Variants in SNX29 observed in about 807,000 individuals in gnomAD.
SNX29 encodes sorting nexin-29.
Under a neutral mutation model 102.1 loss-of-function variants are expected in SNX29, and 78 were observed. The observed-to-expected ratio is 0.76, with a 90% CI of 0.64 to 0.92. The LOEUF (loss-of-function observed/expected upper bound fraction) is 0.92, where lower values mean the gene tolerates loss of function less well. Ranked by LOEUF, SNX29 falls within the 40% of genes least tolerant of loss-of-function variation. SNX29 has a pLI of 0.00. For synonymous variants in SNX29, 580 were observed against 414.5 expected (o/e 1.40, Z -4.85); for missense variants, 1,280 against 1,061.7 (o/e 1.21, Z -2.86).
At chr16:12,354,278 T>G (rs939543336) in intron 15 of SNX29, among the ~76,000 whole-genome samples, 2 of 152,186 alleles carry the variant, frequency 1.3e-5, no homozygotes, top group African/African-American at 4.8e-5. Flanking sequence ...AACATCATAG[T>G]TTTAATGGTT....
intron 4 of SNX29, among the ~76,000 whole-genome samples, chr16:12,033,101 C>T (rs2057387676): frequency 6.6e-6 from 1 of 152,212 alleles, no homozygotes; most frequent in Non-Finnish European, 1.5e-5. Flanking sequence ...GTGATCTGCC[C>T]GCCTTGGCCT....
chr16:12,565,856 CCT>C (rs2078981576), intron 20 of SNX29, among the ~76,000 whole-genome samples: 1 of 152,206 alleles, frequency 6.6e-6, no homozygotes, highest in African/African-American at 2.4e-5. Flanking sequence ...TCCGGGAAGC[CCT>C]CTGTGCCCTG....
intron 16 of SNX29, among the ~76,000 whole-genome samples, chr16:12,398,022 G>C (rs1226672331): frequency 6.6e-6 from 1 of 152,184 alleles, no homozygotes; most frequent in East Asian, 1.9e-4. Flanking sequence ...GAGCCCTTGT[G>C]GGGGTGACAT....
chr16:12,011,301 G>T (rs2056646398), intron 3 of SNX29, among the ~76,000 whole-genome samples: 1 of 150,376 alleles, frequency 6.6e-6, no homozygotes, highest in Non-Finnish European at 1.5e-5. Context: ...TTTGAGACAG[G>T]ATCGCACTCT....
At chr16:12,557,399 T>G (rs1003261674) in intron 20 of SNX29, 1 of 152,192 alleles carries the variant, frequency 6.6e-6, no homozygotes, top group Admixed American at 6.5e-5. Flanking sequence ...CAAGCCACCT[T>G]TGGCTTTTGA....
At chr16:12,230,819 C>CGTATGTAT (rs72479138) in intron 14 of SNX29, among the ~76,000 whole-genome samples, 3 of 150,286 alleles carry the variant, frequency 2.0e-5, no homozygotes, top group African/African-American at 4.9e-5. Context: ...TGTAATAAGT[C>CGTATGTAT]GTATGTATGT....
chr16:12,305,022 G>C (rs865778760), intron 15 of SNX29, among the ~76,000 whole-genome samples: 1 of 152,182 alleles, frequency 6.6e-6, no homozygotes, highest in Non-Finnish European at 1.5e-5. Context: ...CGATAATTTA[G>C]AAGGCAGTTA....
chr16:12,567,340 G>A (rs62028663), intron 20 of SNX29, among the ~76,000 whole-genome samples: 16,285 of 152,156 alleles, frequency 0.11, 1,050 homozygotes, highest in South Asian at 0.14. Flanking sequence ...AGTGGACATG[G>A]ATCCTGTTAG....
chr16:12,106,243 C>T (rs182860396), intron 11 of SNX29, among the ~76,000 whole-genome samples: 12 of 152,198 alleles, frequency 7.9e-5, no homozygotes, highest in East Asian at 1.9e-4. Flanking sequence ...GGAATTGCAT[C>T]GGTGGTGTGT....
intron 20 of SNX29, among the ~76,000 whole-genome samples, chr16:12,564,908 G>T (rs1019791078): frequency 1.4e-5 from 2 of 142,798 alleles, no homozygotes; most frequent in African/African-American, 5.3e-5. Flanking sequence ...GGCATCTGCA[G>T]CAGGGACTGG....
At chr16:12,254,556 G>A (rs945113169) in intron 14 of SNX29, among the ~76,000 whole-genome samples, 11 of 152,018 alleles carry the variant, frequency 7.2e-5, no homozygotes, top group African/African-American at 1.4e-4. Context: ...CAGGAGAATC[G>A]CTTGAACCCG....
chr16:12,175,394 C>T (rs1341067295), intron 13 of SNX29, among the ~76,000 whole-genome samples: 1 of 152,022 alleles, frequency 6.6e-6, no homozygotes, highest in South Asian at 2.1e-4. Context: ...TTTGGGAGAC[C>T]ATGGCAGGTG....
At chr16:12,543,478 A>G (rs728583) in intron 20 of SNX29, among the ~76,000 whole-genome samples, 17,274 of 152,238 alleles carry the variant, frequency 0.11, 1,324 homozygotes, top group Non-Finnish European at 0.16. Context: ...AGCTGTCAGT[A>G]AAGCCACAGC....
At chr16:12,344,686 G>C (rs1321473441) in intron 15 of SNX29, among the ~76,000 whole-genome samples, 1 of 152,196 alleles carries the variant, frequency 6.6e-6, no homozygotes, top group Non-Finnish European at 1.5e-5. Flanking sequence ...GTAAATGTTT[G>C]CTCTTAATGA....
rs982747348 is a variant in SNX29, at chr16:12,388,015, C to A, written c.1900-10431C>A. On this transcript the variant is annotated intron_variant, in intron 16 of 20. Coordinates refer to ENST00000566228, the MANE Select transcript of SNX29 (RefSeq NM_032167.5). ...CATTGTGCTTATAATGTTAAAAATA[C>A]ACTCCATGCGTGTGGTTAACAGCAA... Among the ~76,000 whole-genome samples the A allele has an allele frequency of 2.0e-4, 30 of 151,974 alleles. 1 individual carries two copies. Among genetic ancestry groups the A allele is most frequent in the Non-Finnish European group, 7.4e-5 (5 of 67,980 alleles).
chr16:12,320,551 T>G (rs1477509550), intron 15 of SNX29, among the ~76,000 whole-genome samples: 3 of 152,184 alleles, frequency 2.0e-5, no homozygotes, highest in African/African-American at 7.2e-5. Flanking sequence ...TGGAGAATAC[T>G]TAAGATTAAC....
chr16:12,419,777 C>T (rs1158320075), intron 18 of SNX29, among the ~76,000 whole-genome samples: 3 of 152,228 alleles, frequency 2.0e-5, no homozygotes, highest in Non-Finnish European at 4.4e-5. Context: ...GGCCATACCA[C>T]GTGTCTGCTG....
chr16:12,110,699 C>T (rs1330309354), intron 11 of SNX29, among the ~76,000 whole-genome samples: 1 of 152,176 alleles, frequency 6.6e-6, no homozygotes, highest in Non-Finnish European at 1.5e-5. Flanking sequence ...CTAAACCAAC[C>T]TCTGGACTAC....
intron 15 of SNX29, among the ~76,000 whole-genome samples, chr16:12,297,912 G>A (rs966668758): frequency 5.3e-5 from 8 of 152,196 alleles, no homozygotes; most frequent in Non-Finnish European, 8.8e-5. Flanking sequence ...GCTCATACCT[G>A]TAATCCCAGC....
Sources: allele counts gnomAD v4.1 joint callset (sites outside exome capture counted in the v4.1 genomes callset), GRCh38; gene constraint gnomAD v4.1.1; transcripts MANE v1.5; gene names NCBI Gene and HGNC (gene_info 2026-07-23, HGNC 2026-07-21).